The following HIBCH variants were observed in gnomAD, a reference collection of about 807,000 sequenced individuals.
HIBCH encodes 3-hydroxyisobutyryl-CoA hydrolase.
Under a neutral mutation model 58.2 loss-of-function variants are expected in HIBCH, and 50 were observed. That is an observed-to-expected ratio of 0.86 (90% CI 0.68 to 1.09). HIBCH has a LOEUF of 1.09. HIBCH is among the 50% of genes least tolerant of loss of function. The pLI is 0.00. For missense variants in HIBCH, 450 were observed against 449.7 expected (o/e 1.00, Z -0.01); for synonymous variants, 151 against 146.9 (o/e 1.03, Z -0.20).
rs567932856 is a variant in HIBCH at position 190,287,688 on chromosome 2, C to T, written c.386-50G>A. The T allele has an allele frequency of 3.7e-5, 51 of 1,369,896 alleles. No homozygotes were observed. The South Asian group carries it at 6.0e-4, about 16-fold the overall frequency. The allele number at this position is 1,369,896 out of a possible 1,614,324, so 84.9% of individuals were successfully genotyped here. ...TAGTTACAGTGTTTAAAATACATTCCCTTTTTCTTAAAAAAAAACCCACAT... is the reference window on the plus strand; with the variant it reads ...TAGTTACAGTGTTTAAAATACATTCTCTTTTTCTTAAAAAAAAACCCACAT... On this transcript the variant is annotated intron_variant, in intron 5 of 13. Transcript: ENST00000359678.
At chr2:190,202,838 C>T (rs560632554), downstream of HIBCH, 3 of 167,156 alleles carry the variant, frequency 1.8e-5, no homozygotes, top group East Asian at 3.9e-4. Flanking sequence ...ACTCACTTAA[C>T]CCCACAAACA....
chr2:190,219,790 A>G (rs1685664874), intron 11 of HIBCH, among the ~76,000 whole-genome samples: 1 of 152,132 alleles, frequency 6.6e-6, no homozygotes, highest in East Asian at 1.9e-4. Flanking sequence ...CATGCCAGAC[A>G]CTCAATCTTG....
At chr2:190,319,653 CT>C in intron 1 of HIBCH, 62 bp downstream of exon 1, 4 of 1,426,564 alleles carry the variant, frequency 2.8e-6, no homozygotes, top group Non-Finnish European at 3.9e-6. Flanking sequence ...ACCCCCGGCC[CT>C]TTTCCCACTG....
At chr2:190,253,861 G>C (rs1246485991) in intron 7 of HIBCH, among the ~76,000 whole-genome samples, 1 of 152,076 alleles carries the variant, frequency 6.6e-6, no homozygotes, top group African/African-American at 2.4e-5. Flanking sequence ...TCCTGCCCCA[G>C]AGCCTCAGCA....
intron 1 of HIBCH, among the ~76,000 whole-genome samples, chr2:190,317,267 G>T (rs1418653004): frequency 6.6e-6 from 1 of 152,126 alleles, no homozygotes; most frequent in Non-Finnish European, 1.5e-5. Context: ...TCTCATAACT[G>T]TACTTGTCCC....
At chr2:190,222,089 C>A (rs1008906684) in intron 11 of HIBCH, among the ~76,000 whole-genome samples, 2 of 152,212 alleles carry the variant, frequency 1.3e-5, no homozygotes, top group African/African-American at 4.8e-5. Context: ...TAAAAAAGCA[C>A]TGACTGTAAC....
At position 190,279,468 on chromosome 2, in the gene HIBCH, G is replaced by C. The variant is rs1687647250; in HGVS notation, c.438+8118C>G. The stretch of plus-strand genomic sequence containing the variant: ...GTCCAGAGTCCCATCTGTGAAGCCT[G>C]TGTAATCAAAACAAGTTATCTACTT... On this transcript the variant is annotated intron_variant, in intron 6 of 13. Transcript: ENST00000359678. This position sits in a 1 kb window ranked among gnomAD's most constrained non-coding sequence, Gnocchi z 4.2. Among the ~76,000 whole-genome samples the C allele has an allele frequency of 6.6e-6, 1 of 152,196 alleles. No homozygotes were observed. Among genetic ancestry groups the C allele is most frequent in the Non-Finnish European group, 1.5e-5 (1 of 68,032 alleles).
At chr2:190,273,898 T>C (rs1168873633) in intron 6 of HIBCH, among the ~76,000 whole-genome samples, 1 of 152,064 alleles carries the variant, frequency 6.6e-6, no homozygotes, top group Admixed American at 6.5e-5. Context: ...CAGCCTTGAA[T>C]TCCTAGACTC....
intron 1 of HIBCH, among the ~76,000 whole-genome samples, chr2:190,312,235 G>A (rs2124865536): frequency 6.6e-6 from 1 of 152,314 alleles, no homozygotes; most frequent in East Asian, 1.9e-4. Context: ...GTATCATTAT[G>A]CTTTGGGCTT....
At chr2:190,265,222 T>C (rs1687200028) in intron 6 of HIBCH, among the ~76,000 whole-genome samples, 1 of 151,388 alleles carries the variant, frequency 6.6e-6, no homozygotes, top group African/African-American at 2.4e-5. Flanking sequence ...TCTGCTCCAC[T>C]AGCTGTATAT....
At position 190,225,569 on chromosome 2, in the gene HIBCH, GGAA is replaced by G. The variant is rs1685864899; in HGVS notation, c.892-12497_892-12495del. Among the ~76,000 whole-genome samples, 3 of 152,156 alleles carry G rather than the reference GGAA, an allele frequency of 2.0e-5. 1 individual carries two copies. In the South Asian group the frequency reaches 6.2e-4, roughly 31 times the overall value. ...CATATACCCTCCCAAGACTAAACCA[GGAA>G]GAAGTTAAGTCCTTGAATAGACCAA... is the stretch of plus-strand genomic sequence containing the variant. On this transcript the variant is annotated intron_variant, in intron 11 of 13. Coordinates refer to ENST00000359678, the MANE Select transcript of HIBCH (RefSeq NM_014362.4).
chr2:190,259,319 ATGTGTGTGTGTGTGTGTGTGTG>A (rs370172555), intron 7 of HIBCH, among the ~76,000 whole-genome samples: 3 of 122,208 alleles, frequency 2.5e-5, no homozygotes, highest in South Asian at 3.0e-4. Context: ...CAGTATACAG[ATGTGTGTGTGTGTGTGTGTGTG>A]TGTGTGTGTG....
chr2:190,238,901 C>T (rs1005357271), intron 11 of HIBCH, among the ~76,000 whole-genome samples: 1 of 152,198 alleles, frequency 6.6e-6, no homozygotes, highest in Non-Finnish European at 1.5e-5. Context: ...AAATTTTTCT[C>T]CCATTCCGTG....
At chr2:190,220,128 G>A (rs1439236283) in intron 11 of HIBCH, among the ~76,000 whole-genome samples, 1 of 152,200 alleles carries the variant, frequency 6.6e-6, no homozygotes, top group Non-Finnish European at 1.5e-5. Context: ...AATTAAAGGT[G>A]CTATCACTAG....
intron 11 of HIBCH, among the ~76,000 whole-genome samples, chr2:190,218,250 G>A (rs1685616907): frequency 1.3e-5 from 2 of 152,084 alleles, no homozygotes; most frequent in South Asian, 4.2e-4. Context: ...ATCAGGTCTG[G>A]TGGACCACAC....
intron 11 of HIBCH, among the ~76,000 whole-genome samples, chr2:190,233,401 T>C (rs923926119): frequency 6.6e-6 from 1 of 152,190 alleles, no homozygotes; most frequent in African/African-American, 2.4e-5. Context: ...TGGGCAGATC[T>C]TTCCCATGCC....
At chr2:190,296,759 A>T in intron 3 of HIBCH, 54 bp downstream of exon 3, 1 of 1,461,058 alleles carries the variant, frequency 6.8e-7, no homozygotes, top group Non-Finnish European at 9.6e-7. Context: ...GAAATGTCCT[A>T]TTATGATATA....
chr2:190,225,072 G>T (rs1023365511), intron 11 of HIBCH, among the ~76,000 whole-genome samples: 1 of 152,214 alleles, frequency 6.6e-6, no homozygotes, highest in Non-Finnish European at 1.5e-5. Context: ...TGAAACCAGT[G>T]AGAACAAAGA....
intron 11 of HIBCH, among the ~76,000 whole-genome samples, chr2:190,237,957 G>C (rs988877225): frequency 6.6e-6 from 1 of 152,082 alleles, no homozygotes; most frequent in Non-Finnish European, 1.5e-5. Flanking sequence ...TGCCGAGAAT[G>C]ATGGTTTCCA....
Sources: gnomAD v4.1 joint callset for allele counts (sites outside exome capture counted in the v4.1 genomes callset) on GRCh38, gnomAD v4.1.1 for gene constraint, Gnocchi (gnomAD v3.1) non-coding constraint, MANE v1.5 for transcripts, NCBI Gene and HGNC (gene_info 2026-07-23, HGNC 2026-07-21) for gene names.